Variants in MICU3 observed in about 807,000 individuals in gnomAD.
MICU3 encodes calcium uptake protein 3, mitochondrial.
Under a neutral mutation model 66.5 loss-of-function variants are expected in MICU3, and 62 were observed. The observed-to-expected ratio is 0.93, with a 90% CI of 0.76 to 1.15. MICU3 has a LOEUF of 1.15. Among genes scored for constraint, MICU3 ranks in the 50% most tolerant of loss-of-function variants. The pLI, the probability that MICU3 is intolerant of heterozygous loss-of-function variation, is 0.00. For synonymous variants in MICU3, 308 were observed against 240.7 expected, an observed-to-expected ratio of 1.28 and a Z score of -2.59; for missense variants, 779 against 664.4, an observed-to-expected ratio of 1.17 and a Z score of -1.90.
chr8:17,045,997 G>A (rs1283567668), intron 1 of MICU3, among the ~76,000 whole-genome samples: 1 of 152,212 alleles, frequency 6.6e-6, no homozygotes, highest in African/African-American at 2.4e-5. Flanking sequence ...TGGGGACACA[G>A]CCAACCCATA....
At chr8:17,056,776 G>T (rs914454961) in intron 1 of MICU3, among the ~76,000 whole-genome samples, 4 of 152,158 alleles carry the variant, frequency 2.6e-5, no homozygotes, top group Admixed American at 1.3e-4. Flanking sequence ...GAGAGGGTGT[G>T]GCAGCAGAAG....
At chr8:17,098,250 G>A (rs1800927460) in intron 8 of MICU3, among the ~76,000 whole-genome samples, 1 of 151,644 alleles carries the variant, frequency 6.6e-6, no homozygotes, top group Admixed American at 6.6e-5. Context: ...TACAAATAGT[G>A]GTTATATACC....
At chr8:17,092,540 G>A (rs948193356) in intron 8 of MICU3, among the ~76,000 whole-genome samples, 3 of 151,612 alleles carry the variant, frequency 2.0e-5, no homozygotes, top group African/African-American at 7.3e-5. Context: ...CATGTAAAAT[G>A]CACACATTAA....
At chr8:17,059,756 A>G (rs1209743592) in intron 1 of MICU3, among the ~76,000 whole-genome samples, 1 of 152,192 alleles carries the variant, frequency 6.6e-6, no homozygotes, top group African/African-American at 2.4e-5. Flanking sequence ...CACAGAAATT[A>G]TGAAATGCTT....
At chr8:17,080,292 A>T (rs1221644049) in intron 4 of MICU3, among the ~76,000 whole-genome samples, 1 of 152,118 alleles carries the variant, frequency 6.6e-6, no homozygotes, top group East Asian at 1.9e-4. Flanking sequence ...TTCAATCACC[A>T]TGTGATCCTA....
At chr8:17,075,218 G>A (rs200029171) in intron 3 of MICU3, among the ~76,000 whole-genome samples, 5 of 152,016 alleles carry the variant, frequency 3.3e-5, no homozygotes, top group Admixed American at 6.6e-5. Context: ...GCACAGCAGC[G>A]TGTTCAACAA....
Position 17,104,442 on chromosome 8 carries a change from T to G in MICU3, c.1036T>G (p.Phe346Val). Residue 346 changes from phenylalanine to valine, a missense_variant, in exon 10 of 15, where the codon TTT (phenylalanine) becomes GTT (valine). Physicochemically the swap from Phe to Val is conservative, Grantham distance 50 (BLOSUM62 -1). Transcript: ENST00000318063. Reference sequence around the variant, plus strand: ...AACAGATACTACACTTCTTGTACACTTTTTTGGAAAGAAAGGAAAAGCTGA... The same window carrying G: ...AACAGATACTACACTTCTTGTACACGTTTTTGGAAAGAAAGGAAAAGCTGA... ...LVTDTTLLVHFFGKKGKAELN... is the reference protein window; with the variant it reads ...LVTDTTLLVHVFGKKGKAELN... 1 of 1,466,438 alleles carries G rather than the reference T, an allele frequency of 6.8e-7. No individual in the cohort carries two copies. Among genetic ancestry groups the G allele is most frequent in the Non-Finnish European group, 9.2e-7 (1 of 1,087,880 alleles). 90.8% of individuals were successfully genotyped at this position (1,466,438 alleles called of 1,614,324 possible).
At chr8:17,102,376 A>G (rs758386604) in intron 9 of MICU3, 1 of 151,968 alleles carries the variant, frequency 6.6e-6, no homozygotes, top group South Asian at 2.1e-4. Context: ...AATTAATACC[A>G]GATTTCTTTT....
intron 1 of MICU3, among the ~76,000 whole-genome samples, chr8:17,036,266 G>C: frequency 6.6e-6 from 1 of 152,122 alleles, no homozygotes; most frequent in East Asian, 1.9e-4. Context: ...GCTGGGCTCA[G>C]GAGTGAAGCT....
rs989660505 is a variant in MICU3, at chr8:17,120,948, A to G, written c.*661A>G. On this transcript the variant is annotated 3_prime_UTR_variant, in exon 15 of 15. Coordinates refer to ENST00000318063, the MANE Select transcript of MICU3 (RefSeq NM_181723.3). ...AATTGTTGTTTATTTGCCAAAGTCA[A>G]CAGAATGTCTGTTATTGTTTTATGT... 2.0e-5 allele frequency: 3 copies of G among 152,036 alleles called. No individual in the cohort carries two copies. Among genetic ancestry groups the G allele is most frequent in the African/African-American group, 7.2e-5 (3 of 41,446 alleles). 9.4% of individuals were successfully genotyped at this position (152,036 alleles called of 1,614,324 possible).
At chr8:17,124,551 C>T (rs1417044255), downstream of MICU3, among the ~76,000 whole-genome samples, 3 of 152,004 alleles carry the variant, frequency 2.0e-5, no homozygotes, top group African/African-American at 7.2e-5. Flanking sequence ...AGGTGTTATT[C>T]TAGGATCTCC....
Position 17,064,275 on chromosome 8 carries a change from A to T in MICU3, c.535+38A>T, listed in dbSNP as rs764065724. On this transcript the variant is annotated intron_variant, in intron 2 of 14. Coordinates refer to ENST00000318063, the MANE Select transcript of MICU3 (RefSeq NM_181723.3). The stretch of plus-strand genomic sequence containing the variant: ...TTGAAATTATCTTAATAATTGTATA[A>T]TTTTTTTATCTCTAGCTTGTGAATG... 1.3e-6 allele frequency: 2 copies of T among 1,531,846 alleles called. 1 individual carries two copies. The highest frequency in any genetic ancestry group is 3.7e-5 in the Admixed American group (2 of 53,550). The allele number at this position is 1,531,846 out of a possible 1,614,324, so 94.9% of individuals were successfully genotyped here. A position where few individuals can be genotyped will look rare whatever the true frequency, so the allele number is the denominator to read the frequency against.
intron 1 of MICU3, among the ~76,000 whole-genome samples, chr8:17,036,554 C>G (rs1813025853): frequency 6.6e-6 from 1 of 152,118 alleles, no homozygotes. Context: ...TCTCCACATC[C>G]CCATCAGATT....
chr8:17,070,744 A>C (rs572261571), intron 3 of MICU3, among the ~76,000 whole-genome samples: 1 of 152,186 alleles, frequency 6.6e-6, no homozygotes, highest in South Asian at 2.1e-4. Context: ...CATTTGTGAA[A>C]CTTGAGAGAC....
chr8:17,032,765 A>G (rs1812312788), intron 1 of MICU3, among the ~76,000 whole-genome samples: 1 of 152,202 alleles, frequency 6.6e-6, no homozygotes, highest in Non-Finnish European at 1.5e-5. Flanking sequence ...TACAAGTTCA[A>G]GATTTGTGGC....
intron 9 of MICU3, among the ~76,000 whole-genome samples, chr8:17,101,985 A>G (rs1563380768): frequency 6.6e-6 from 1 of 152,092 alleles, no homozygotes; most frequent in South Asian, 2.1e-4. Flanking sequence ...CCTTTGGGAT[A>G]GATACTATTA....
At chr8:17,129,544 A>G in the MICU3 span, among the ~76,000 whole-genome samples, 1 of 152,302 alleles carries the variant, frequency 6.6e-6, no homozygotes, top group African/African-American at 2.4e-5. Context: ...AAGATTGGAG[A>G]CAGAAGAAAT....
At chr8:17,133,752 A>G in the MICU3 span, among the ~76,000 whole-genome samples, 2 of 152,164 alleles carry the variant, frequency 1.3e-5, no homozygotes, top group Non-Finnish European at 2.9e-5. Flanking sequence ...TTTATGGAAT[A>G]ATTCTTCCTT....
intron 5 of MICU3, among the ~76,000 whole-genome samples, chr8:17,082,558 G>C (rs1314622761): frequency 6.6e-6 from 1 of 152,110 alleles, no homozygotes; most frequent in Admixed American, 6.6e-5. Flanking sequence ...TTATGGCAAA[G>C]ATTTTTTCTT....
Sources: allele counts gnomAD v4.1 joint callset (sites outside exome capture counted in the v4.1 genomes callset), GRCh38; gene constraint gnomAD v4.1.1; transcripts MANE v1.5; gene names NCBI Gene and HGNC (gene_info 2026-07-23, HGNC 2026-07-21).